RANBP2: variants seen among roughly 807,000 people sequenced by gnomAD.
RANBP2 encodes RAN binding protein 2, also known as E3 SUMO-protein ligase RanBP2.
Under a neutral mutation model 303.6 loss-of-function variants are expected in RANBP2, and 57 were observed. The observed-to-expected ratio is 0.19, with a 90% CI of 0.15 to 0.23. RANBP2 has a LOEUF of 0.23. RANBP2 is among the 10% of genes least tolerant of loss of function. RANBP2 has a pLI of 1.00. For synonymous variants in RANBP2, 1,167 were observed against 1,301.5 expected, an observed-to-expected ratio of 0.90 and a Z score of 2.23; for missense variants, 3,138 against 3,780.8, an observed-to-expected ratio of 0.83 and a Z score of 4.46.
At chr2:109,696,139 A>G in the RANBP2 span, among the ~76,000 whole-genome samples, 6 of 151,656 alleles carry the variant, frequency 4.0e-5, no homozygotes, top group African/African-American at 7.3e-5. Context: ...AATTTTTTGT[A>G]TTGTTAGTAG....
At chr2:109,601,448 A>G in the RANBP2 span, among the ~76,000 whole-genome samples, 1 of 152,234 alleles carries the variant, frequency 6.6e-6, no homozygotes, top group Non-Finnish European at 1.5e-5. Flanking sequence ...ATTTCTGTCA[A>G]TTTGACAGGC....
the RANBP2 span, among the ~76,000 whole-genome samples, chr2:109,629,343 ATATATATATATATTTTTT>A: frequency 4.7e-3 from 33 of 7,048 alleles, no homozygotes; most frequent in African/African-American, 0.016. Flanking sequence ...ATATATATAT[ATATATATATATATTTTTT>A]TTTTTTTTTT....
In RANBP2 at chr2:108,782,920, G is replaced by T. The variant is rs184214292; in HGVS notation, c.9369+58G>T. 296 of 1,451,222 alleles carry T rather than the reference G, an allele frequency of 2.0e-4. 1 individual carries two copies. In the African/African-American group the frequency reaches 3.4e-3, roughly 17 times the overall value. The allele number at this position is 1,451,222 out of a possible 1,614,324, so 89.9% of individuals were successfully genotyped here. ...GTCTTGAAGAGTGCACCACACTAAT[G>T]GGAAATTTGAGTGTTTTTCCTTGAC... On this transcript the variant is annotated intron_variant, in intron 28 of 28. Transcript: ENST00000283195.
chr2:109,030,673 A>G, the RANBP2 span, among the ~76,000 whole-genome samples: 2 of 152,168 alleles, frequency 1.3e-5, no homozygotes, highest in Non-Finnish European at 2.9e-5. Context: ...GGGGCCCCTC[A>G]GGCATCTGAA....
chr2:109,279,541 A>T, the RANBP2 span, among the ~76,000 whole-genome samples: 7 of 152,170 alleles, frequency 4.6e-5, no homozygotes, highest in Admixed American at 4.6e-4. Context: ...CTTGTCCTAC[A>T]GGTCAGGGCT....
chr2:108,944,726 C>G, the RANBP2 span, among the ~76,000 whole-genome samples: 2 of 152,128 alleles, frequency 1.3e-5, no homozygotes, highest in Non-Finnish European at 2.9e-5. Flanking sequence ...TGCAGCACCC[C>G]CACCGTGCAG....
In RANBP2 at chr2:108,729,734, T is replaced by A. The variant is rs537173247; in HGVS notation, c.140+535T>A. Among the ~76,000 whole-genome samples, 193 of 134,756 alleles carry A rather than the reference T, an allele frequency of 1.4e-3. 1 individual carries two copies. Among genetic ancestry groups the A allele is most frequent in the Non-Finnish European group, 4.2e-4 (27 of 63,922 alleles). 88.4% of individuals were successfully genotyped at this position (134,756 alleles called of 152,430 possible). Reference sequence around the variant, plus strand: ...GAGTCAGGCTTTTTTTTTTTTTTTTTAGGCAGTATCTGTCTCTCTTGCTCA... The same window carrying A: ...GAGTCAGGCTTTTTTTTTTTTTTTTAAGGCAGTATCTGTCTCTCTTGCTCA... On this transcript the variant is annotated intron_variant, in intron 2 of 28. Coordinates refer to ENST00000283195, the MANE Select transcript of RANBP2 (RefSeq NM_006267.5).
chr2:109,430,163 G>C, the RANBP2 span, among the ~76,000 whole-genome samples: 1 of 152,358 alleles, frequency 6.6e-6, no homozygotes, highest in East Asian at 1.9e-4. Context: ...AAAAGGAGCT[G>C]TTGGTGCGGC....
the RANBP2 span, among the ~76,000 whole-genome samples, chr2:108,979,467 T>TCACACA: frequency 4.1e-5 from 6 of 147,222 alleles, no homozygotes; most frequent in African/African-American, 1.5e-4. Flanking sequence ...TCTCTCTCTC[T>TCACACA]CACACACACA....
At chr2:109,235,498 G>A in the RANBP2 span, among the ~76,000 whole-genome samples, 3 of 152,354 alleles carry the variant, frequency 2.0e-5, no homozygotes, top group Admixed American at 2.0e-4. Context: ...ACAGGTGTGG[G>A]TGGCACATGG....
the RANBP2 span, among the ~76,000 whole-genome samples, chr2:109,018,867 A>C: frequency 6.6e-6 from 1 of 152,230 alleles, no homozygotes; most frequent in Non-Finnish European, 1.5e-5. Context: ...TTTCCCAGTA[A>C]AGTTCTATGA....
At chr2:109,600,893 A>G in the RANBP2 span, among the ~76,000 whole-genome samples, 2 of 152,198 alleles carry the variant, frequency 1.3e-5, no homozygotes, top group African/African-American at 4.8e-5. Context: ...CCAGTTTATT[A>G]CAAAGAATAT....
the RANBP2 span, among the ~76,000 whole-genome samples, chr2:109,515,421 C>T: frequency 6.6e-6 from 1 of 152,136 alleles, no homozygotes; most frequent in Non-Finnish European, 1.5e-5. Context: ...TAACTTGCTT[C>T]ATCTCATGGC....
the RANBP2 span, among the ~76,000 whole-genome samples, chr2:109,351,198 A>G: frequency 1.3e-5 from 2 of 152,230 alleles, no homozygotes; most frequent in African/African-American, 4.8e-5. Context: ...CAGCTCTGCC[A>G]GCTGGTTTCT....
the RANBP2 span, among the ~76,000 whole-genome samples, chr2:109,464,936 T>TAAA: frequency 6.6e-6 from 1 of 152,264 alleles, no homozygotes; most frequent in South Asian, 2.1e-4. Flanking sequence ...CAGGATAGTT[T>TAAA]GACTGCCCTA....
At chr2:108,816,255 A>AG in the RANBP2 span, 2 of 563,514 alleles carry the variant, frequency 3.5e-6, no homozygotes, top group Non-Finnish European at 3.0e-6. Context: ...GTTTAAGACC[A>AG]GCCTGGGCAA....
chr2:109,639,107 C>T, the RANBP2 span, among the ~76,000 whole-genome samples: 4 of 152,216 alleles, frequency 2.6e-5, no homozygotes, highest in African/African-American at 9.7e-5. Flanking sequence ...AAGGTAGTTT[C>T]ATCTCCAGCA....
the RANBP2 span, among the ~76,000 whole-genome samples, chr2:109,343,479 G>A: frequency 3.3e-5 from 5 of 152,102 alleles, no homozygotes; most frequent in East Asian, 1.9e-4. Context: ...GATACAGGGG[G>A]CTCTCTTGCC....
At chr2:109,483,422 C>G in the RANBP2 span, among the ~76,000 whole-genome samples, 1 of 152,200 alleles carries the variant, frequency 6.6e-6, no homozygotes, top group East Asian at 1.9e-4. Flanking sequence ...CGTATGCTCT[C>G]GGTGCCCAGC....
Sources: gnomAD v4.1 joint callset for allele counts (sites outside exome capture counted in the v4.1 genomes callset) on GRCh38, gnomAD v4.1.1 for gene constraint, MANE v1.5 for transcripts, NCBI Gene and HGNC (gene_info 2026-07-23, HGNC 2026-07-21) for gene names.